The following TBX4 variants were observed in gnomAD, a reference collection of about 807,000 sequenced individuals.
TBX4 encodes the protein T-box transcription factor TBX4.
Under a neutral mutation model 54.6 loss-of-function variants are expected in TBX4, and 13 were observed. The observed-to-expected ratio is 0.24, with a 90% CI of 0.15 to 0.38. The LOEUF is 0.38. TBX4 is among the 10% of genes least tolerant of loss of function. The probability of loss-of-function intolerance (pLI) is 1.00; values close to 1 mark genes in which losing one functional copy is unlikely to be tolerated. For missense variants in TBX4, 631 were observed against 728.5 expected, an observed-to-expected ratio of 0.87 and a Z score of 1.54; for synonymous variants, 314 against 306.7, an observed-to-expected ratio of 1.02 and a Z score of -0.25.
In TBX4 at chr17:61,457,794, C is replaced by T. The variant is rs2060464230; in HGVS notation, c.281+163C>T. On this transcript the variant is annotated intron_variant, in intron 3 of 8. Coordinates refer to ENST00000644296, the MANE Select transcript of TBX4 (RefSeq NM_001321120.2). This position sits in a 1 kb window ranked among gnomAD's most constrained non-coding sequence, Gnocchi z 8.2. ...CCCTTCGCAGCTTGGGACTGGGCCG[C>T]CAAAGCCCGCAGGGGGCCACCGCAG... Among the ~76,000 whole-genome samples, 1 of 152,190 alleles carries T rather than the reference C, an allele frequency of 6.6e-6. No individual in the cohort carries two copies. The highest frequency in any genetic ancestry group is 1.9e-4 in the East Asian group (1 of 5,178).
In TBX4 at chr17:61,457,678, G is replaced by C. The variant is rs373766778; in HGVS notation, c.281+47G>C. Reference sequence around the variant, plus strand: ...TCCGGGGATGGCGGTGGGGAGCAAGGGGGGCCAGGGAGGTCCCTTAGAAGT... The same window carrying C: ...TCCGGGGATGGCGGTGGGGAGCAAGCGGGGCCAGGGAGGTCCCTTAGAAGT... On this transcript the variant is annotated intron_variant, in intron 3 of 8. Coordinates refer to ENST00000644296, the MANE Select transcript of TBX4 (RefSeq NM_001321120.2). The surrounding 1 kb of genome is among the most constrained non-coding windows in gnomAD (Gnocchi z 8.2). 1.1e-5 allele frequency: 17 copies of C among 1,585,382 alleles called. No homozygotes were observed. Among genetic ancestry groups the C allele is most frequent in the African/African-American group, 1.3e-5 (1 of 74,266 alleles).
In TBX4 at chr17:61,464,158, C is replaced by G. The variant is rs538874667; in HGVS notation, c.282-1661C>G. 6.6e-6 allele frequency: 1 copy of G among 152,468 alleles called. No homozygotes were observed. The highest frequency in any genetic ancestry group is 1.5e-5 in the Non-Finnish European group (1 of 68,198). The allele number at this position is 152,468 out of a possible 1,614,324, so 9.4% of individuals were successfully genotyped here. Reference sequence around the variant, plus strand: ...AGAACTTCCCTCCTCCCTCCAGGCACGCACACATCCACACATGCGCACTTG... The same window carrying G: ...AGAACTTCCCTCCTCCCTCCAGGCAGGCACACATCCACACATGCGCACTTG... On this transcript the variant is annotated intron_variant, in intron 3 of 8. Transcript: ENST00000644296. The surrounding 1 kb of genome is among the most constrained non-coding windows in gnomAD (Gnocchi z 5.8).
At position 61,483,459 on chromosome 17, in the gene TBX4, A is replaced by C. The variant is rs151223901; in HGVS notation, c.1584A>C (p.Glu528Asp). The C allele has an allele frequency of 2.7e-5, 43 of 1,614,162 alleles. No individual in the cohort carries two copies. In the African/African-American group the frequency reaches 4.8e-4, roughly 18 times the overall value. ...CTCAAACCTTCTCCTTGTCCCGAGA[A>C]TCTTCCTTACAGTACCATTCAGGAA... ...LYSQTFSLSR[E>D]SSLQYHSGMG... The change falls in exon 9 of 9, where the codon GAA becomes GAC. Residue 528 changes from glutamate (E) to aspartate (D), a missense_variant. By Grantham distance (45) the Glu-to-Asp change is conservative (BLOSUM62 2). Coordinates refer to ENST00000644296, the MANE Select transcript of TBX4 (RefSeq NM_001321120.2). This position sits in a 1 kb window ranked among gnomAD's most constrained non-coding sequence, Gnocchi z 6.6.
rs1012201266 is a variant in TBX4, at chr17:61,484,572, C to T, written c.*1056C>T. 2 of 152,022 alleles carry T rather than the reference C, an allele frequency of 1.3e-5. No homozygotes were observed. Among genetic ancestry groups the T allele is most frequent in the Non-Finnish European group, 2.9e-5 (2 of 68,020 alleles). The allele number at this position is 152,022 out of a possible 1,614,324, so 9.4% of individuals were successfully genotyped here. A position where few individuals can be genotyped will look rare whatever the true frequency, so the allele number is the denominator to read the frequency against. On this transcript the variant is annotated 3_prime_UTR_variant, in exon 9 of 9. Coordinates refer to ENST00000644296, the MANE Select transcript of TBX4 (RefSeq NM_001321120.2). This position sits in a 1 kb window ranked among gnomAD's most constrained non-coding sequence, Gnocchi z 4.1. ...ATTTGTTTCTTCCAGTAAATTCAGC[C>T]GGTGAGCTCAGAGGAGCAAAGAGAA...
chr17:61,469,623 C>T (rs1231118639), intron 5 of TBX4, among the ~76,000 whole-genome samples: 3 of 152,210 alleles, frequency 2.0e-5, no homozygotes, highest in Non-Finnish European at 4.4e-5. Flanking sequence ...CTTCCAGGTC[C>T]AGTGTCTCTG....
intron 1 of TBX4, among the ~76,000 whole-genome samples, chr17:61,455,276 C>G (rs115284369): frequency 1.3e-5 from 2 of 152,142 alleles, no homozygotes; most frequent in African/African-American, 4.8e-5. Context: ...GGCCTGAGCC[C>G]GGGGATGCTC....
chr17:61,472,367 G>A lies in TBX4; in HGVS notation c.549+4710G>A, dbSNP rs1457853065. Among the ~76,000 whole-genome samples the A allele has an allele frequency of 6.6e-6, 1 of 152,220 alleles. No homozygotes were observed. The highest frequency in any genetic ancestry group is 1.5e-5 in the Non-Finnish European group (1 of 68,044). ...TTTGACAGGTGAAATGTGGATATCA[G>A]TGTTAGCTTTAATTTGCATTTCCTT... is the stretch of plus-strand genomic sequence containing the variant. On this transcript the variant is annotated intron_variant, in intron 5 of 8. Transcript: ENST00000644296. The surrounding 1 kb of genome is among the most constrained non-coding windows in gnomAD (Gnocchi z 4.5).
chr17:61,454,558 G>A (rs2060433668), intron 1 of TBX4, among the ~76,000 whole-genome samples: 1 of 152,256 alleles, frequency 6.6e-6, no homozygotes, highest in Non-Finnish European at 1.5e-5. Context: ...AAATTGCTGG[G>A]AAGGGGGCAA....
Position 61,483,613 on chromosome 17 carries a change from AGTGTGT to A in TBX4, c.*132_*137del, listed in dbSNP as rs149977669. On this transcript the variant is annotated 3_prime_UTR_variant, in exon 9 of 9. Transcript: ENST00000644296. The surrounding 1 kb of genome is among the most constrained non-coding windows in gnomAD (Gnocchi z 6.6). ...ACCAAGAAACACAGGAAGGTATTCC[AGTGTGT>A]GTGTGTGTGTGTGTGTGTGTGTGTG... is the stretch of plus-strand genomic sequence containing the variant. 8.0e-4 allele frequency: 625 copies of A among 782,610 alleles called. No individual in the cohort carries two copies. Among genetic ancestry groups the A allele is most frequent in the African/African-American group, 2.7e-3 (135 of 50,938 alleles). The allele number at this position is 782,610 out of a possible 1,614,324, so 48.5% of individuals were successfully genotyped here. A position where few individuals can be genotyped will look rare whatever the true frequency, so the allele number is the denominator to read the frequency against.
rs1202810517 is a variant in TBX4 at position 61,483,093 on chromosome 17, T to C, written c.1218T>C (p.Ser406=). The C allele has an allele frequency of 6.2e-7, 1 of 1,614,090 alleles. No individual in the cohort carries two copies. The highest frequency in any genetic ancestry group is 1.7e-5 in the Admixed American group (1 of 60,008). ...CAGGGCCCGAGATTGCCGGGGTGTC[T>C]GGGGTGGACGACCTGCCCCCACCTC... ...SGSGPEIAGV[S]GVDDLPPPPL... is the part of the protein sequence containing the mutation. Residue 406 remains serine (S), a synonymous_variant, in exon 9 of 9, where the codon TCT becomes TCC. Coordinates refer to ENST00000644296, the MANE Select transcript of TBX4 (RefSeq NM_001321120.2). This position sits in a 1 kb window ranked among gnomAD's most constrained non-coding sequence, Gnocchi z 6.6.
chr17:61,483,051 A>C lies in TBX4; in HGVS notation c.1176A>C (p.Ala392=). 6.2e-7 allele frequency: 1 copy of C among 1,613,916 alleles called. No individual in the cohort carries two copies. Among genetic ancestry groups the C allele is most frequent in the Non-Finnish European group, 8.5e-7 (1 of 1,179,976 alleles). Residue 392 remains alanine, a synonymous_variant, in exon 9 of 9, where the codon GCA becomes GCC. Transcript: ENST00000644296. The surrounding 1 kb of genome is among the most constrained non-coding windows in gnomAD (Gnocchi z 6.6). ...GCAGTGAGGTGACCCCCAGAGAAGC[A>C]TGTATGTACTCAGGTTCAGGGCCCG... is the stretch of plus-strand genomic sequence containing the variant. ...SYCSEVTPRE[A]CMYSGSGPEI... is the part of the protein sequence containing the mutation.
chr17:61,458,028 G>A (rs1051422047), intron 3 of TBX4, among the ~76,000 whole-genome samples: 2 of 152,122 alleles, frequency 1.3e-5, no homozygotes, highest in Non-Finnish European at 2.9e-5. Flanking sequence ...ATGGGGAGAG[G>A]GAAATAGACT....
rs2060475915 is a variant in TBX4, at chr17:61,459,120, G to A, written c.281+1489G>A. On this transcript the variant is annotated intron_variant, in intron 3 of 8. Transcript: ENST00000644296. The surrounding 1 kb of genome is among the most constrained non-coding windows in gnomAD (Gnocchi z 4.8). Reference sequence around the variant, plus strand: ...GTATTTTGGGGATGGAGATAGGGAAGGAAGACACATGAAGGGGCTGGCAGA... The same window carrying A: ...GTATTTTGGGGATGGAGATAGGGAAAGAAGACACATGAAGGGGCTGGCAGA... Among the ~76,000 whole-genome samples, 1 of 152,246 alleles carries A rather than the reference G, an allele frequency of 6.6e-6. No homozygotes were observed. Among genetic ancestry groups the A allele is most frequent in the Admixed American group, 6.5e-5 (1 of 15,292 alleles).
rs996787402 is a variant in TBX4, at chr17:61,484,934, A to G, written c.*1418A>G. On this transcript the variant is annotated 3_prime_UTR_variant, in exon 9 of 9. Coordinates refer to ENST00000644296, the MANE Select transcript of TBX4 (RefSeq NM_001321120.2). This position sits in a 1 kb window ranked among gnomAD's most constrained non-coding sequence, Gnocchi z 4.1. ...AAAAACTAAGAATGGTTTAGATAAA[A>G]CATATAAATAAATATATATATATAT... The G allele has an allele frequency of 5.0e-5, 6 of 119,224 alleles. No individual in the cohort carries two copies. Among genetic ancestry groups the G allele is most frequent in the African/African-American group, 1.9e-4 (6 of 31,854 alleles). The allele number at this position is 119,224 out of a possible 1,614,324, so 7.4% of individuals were successfully genotyped here. A position where few individuals can be genotyped will look rare whatever the true frequency, so the allele number is the denominator to read the frequency against.
At position 61,472,962 on chromosome 17, in the gene TBX4, G is replaced by A. The variant is rs2060591492; in HGVS notation, c.549+5305G>A. Among the ~76,000 whole-genome samples, 1 of 152,172 alleles carries A rather than the reference G, an allele frequency of 6.6e-6. No individual in the cohort carries two copies. Among genetic ancestry groups the A allele is most frequent in the African/African-American group, 2.4e-5 (1 of 41,438 alleles). ...TTGAGACTGGATAATAGGTTTTAGTGTTTGGCAGGACTGGGCCTCCTTGAT... is the reference window on the plus strand; with the variant it reads ...TTGAGACTGGATAATAGGTTTTAGTATTTGGCAGGACTGGGCCTCCTTGAT... On this transcript the variant is annotated intron_variant, in intron 5 of 8. Transcript: ENST00000644296. This position sits in a 1 kb window ranked among gnomAD's most constrained non-coding sequence, Gnocchi z 4.5.
chr17:61,456,209 G>C (rs879464471), intron 1 of TBX4, among the ~76,000 whole-genome samples: 4 of 152,176 alleles, frequency 2.6e-5, no homozygotes, highest in African/African-American at 4.8e-5. Flanking sequence ...CCGAGAGGGC[G>C]GTCCCTCCCC....
Position 61,478,817 on chromosome 17 carries a change from A to G in TBX4, c.702+38A>G. On this transcript the variant is annotated intron_variant, in intron 6 of 8. Coordinates refer to ENST00000644296, the MANE Select transcript of TBX4 (RefSeq NM_001321120.2). This position sits in a 1 kb window ranked among gnomAD's most constrained non-coding sequence, Gnocchi z 7.4. ...CCCCACTGCCCCACAGCCCCACTTA[A>G]CACCACCCTGCGTTCTCTTCCACCA... 1 of 1,613,900 alleles carries G rather than the reference A, an allele frequency of 6.2e-7. No individual in the cohort carries two copies. Among genetic ancestry groups the G allele is most frequent in the Non-Finnish European group, 8.5e-7 (1 of 1,179,916 alleles).
At position 61,455,245 on chromosome 17, in the gene TBX4, C is replaced by T. The variant is rs112225845; in HGVS notation, c.-3-1243C>T. Reference sequence around the variant, plus strand: ...AAGTCTAAGCCCGGGATGAGGAGGCCTCTGAACAAGATGGGCGAGAGGCCT... The same window carrying T: ...AAGTCTAAGCCCGGGATGAGGAGGCTTCTGAACAAGATGGGCGAGAGGCCT... On this transcript the variant is annotated intron_variant, in intron 1 of 8. Transcript: ENST00000644296. Among the ~76,000 whole-genome samples, 3 of 152,294 alleles carry T rather than the reference C, an allele frequency of 2.0e-5. 1 individual carries two copies. The highest frequency in any genetic ancestry group is 6.5e-5 in the Admixed American group (1 of 15,294).
At chr17:61,452,868 G>A (rs1426667052) in intron 1 of TBX4, 7 of 952,898 alleles carry the variant, frequency 7.3e-6, no homozygotes, top group African/African-American at 1.8e-5. Context: ...TATCGACAGC[G>A]CCAGCACCCT....
Sources: allele counts gnomAD v4.1 joint callset (sites outside exome capture counted in the v4.1 genomes callset), GRCh38; gene constraint gnomAD v4.1.1; non-coding constraint Gnocchi (gnomAD v3.1); transcripts MANE v1.5; gene names NCBI Gene and HGNC (gene_info 2026-07-23, HGNC 2026-07-21).